The following MIDEAS variants were observed in gnomAD, a reference collection of about 807,000 sequenced individuals.
The protein encoded by MIDEAS is mitotic deacetylase associated SANT domain protein, also known as mitotic deacetylase-associated SANT domain protein.
In MIDEAS, 26 loss-of-function variants were observed where a neutral mutation model predicts 102.7. That is an observed-to-expected ratio of 0.25 (90% confidence interval 0.19 to 0.35). The LOEUF (loss-of-function observed/expected upper bound fraction) is 0.35. Ranked by LOEUF, MIDEAS falls within the 10% of genes least tolerant of loss-of-function variation. The pLI, the probability that MIDEAS is intolerant of heterozygous loss-of-function variation, is 1.00. For missense variants in MIDEAS, 1,231 were observed against 1,435.6 expected (o/e 0.86, Z 2.30); for synonymous variants, 585 against 591.0 (o/e 0.99, Z 0.15).
At chr14:73,756,379 G>A in intron 1 of MIDEAS, among the ~76,000 whole-genome samples, 1 of 152,082 alleles carries the variant, frequency 6.6e-6, no homozygotes, top group East Asian at 1.9e-4. Flanking sequence ...ATGCTGTAAT[G>A]CTTCTGATTC....
intron 1 of MIDEAS, among the ~76,000 whole-genome samples, chr14:73,756,300 G>GCGCA (rs2053482296): frequency 5.7e-5 from 6 of 104,586 alleles, no homozygotes; most frequent in South Asian, 3.8e-4. Flanking sequence ...GTGTGTGCGC[G>GCGCA]CGCGCGTGCG....
In MIDEAS at chr14:73,719,388, A is replaced by C; in HGVS notation, c.3051T>G (p.Pro1017=). 6.2e-7 allele frequency: 1 copy of C among 1,614,006 alleles called. No individual in the cohort carries two copies. Among genetic ancestry groups the C allele is most frequent in the Non-Finnish European group, 8.5e-7 (1 of 1,179,982 alleles). ...CTGTTTTTTTCTTCTTCTCTGAAAA[A>C]GGTAGTGCCCTTCGTGACTTCCCTG... ...EGTGKSRRAL[P]FSEKKKKTET... Residue 1017 remains proline (P), a synonymous_variant, in exon 12 of 13, where the codon CCT becomes CCG. Transcript: ENST00000423556.
chr14:73,769,051 TG>T (rs1342822198), intron 1 of MIDEAS, among the ~76,000 whole-genome samples: 2 of 152,218 alleles, frequency 1.3e-5, no homozygotes, highest in African/African-American at 4.8e-5. Flanking sequence ...GCGTAACTCC[TG>T]GGCCAGATGC....
At position 73,717,655 on chromosome 14, in the gene MIDEAS, T is replaced by G. The variant is rs1301795474; in HGVS notation, c.*1188A>C. ...TAGGGGATGTCAAGATGCCTCGTTT[T>G]GGGATAAATGCACTCGGGCCTCTGA... On this transcript the variant is annotated 3_prime_UTR_variant, in exon 13 of 13. Coordinates refer to ENST00000423556, the MANE Select transcript of MIDEAS (RefSeq NM_001367710.1). The G allele has an allele frequency of 6.6e-6, 1 of 152,630 alleles. No individual in the cohort carries two copies. Among genetic ancestry groups the G allele is most frequent in the Non-Finnish European group, 1.5e-5 (1 of 68,038 alleles). 9.5% of individuals were successfully genotyped at this position (152,630 alleles called of 1,614,324 possible). A position where few individuals can be genotyped will look rare whatever the true frequency, so the allele number is the denominator to read the frequency against.
At chr14:73,756,836 C>G (rs186025408) in intron 1 of MIDEAS, among the ~76,000 whole-genome samples, 1 of 152,312 alleles carries the variant, frequency 6.6e-6, no homozygotes, top group Non-Finnish European at 1.5e-5. Flanking sequence ...GGTTCACCAG[C>G]CCCAGAATCA....
Position 73,739,337 on chromosome 14 carries a change from C to T in MIDEAS, c.672G>A (p.Gln224=). 1.2e-6 allele frequency: 2 copies of T among 1,605,840 alleles called. No individual in the cohort carries two copies. The highest frequency in any genetic ancestry group is 8.5e-7 in the Non-Finnish European group (1 of 1,175,136). The change falls in exon 2 of 13, where the codon CAG becomes CAA. Residue 224 remains glutamine (Q), a synonymous_variant. Coordinates refer to ENST00000423556, the MANE Select transcript of MIDEAS (RefSeq NM_001367710.1). The part of the protein sequence containing the change: ...LQPFQLAFGH[Q]VNRQVFRQGP... ...CCTGCCGGAAGACCTGCCGGTTCAC[C>T]TGGTGGCCGAATGCCAGCTGGAAGG...
At position 73,715,277 on chromosome 14, in the gene MIDEAS, GTCTC is replaced by G. The variant is rs1363271305; in HGVS notation, c.*3562_*3565del. 1.3e-5 allele frequency: 2 copies of G among 152,496 alleles called. No individual in the cohort carries two copies. Among genetic ancestry groups the G allele is most frequent in the Non-Finnish European group, 1.5e-5 (1 of 68,034 alleles). The allele number at this position is 152,496 out of a possible 1,614,324, so 9.4% of individuals were successfully genotyped here. A position where few individuals can be genotyped will look rare whatever the true frequency, so the allele number is the denominator to read the frequency against. ...AAGCACACAAAAAATAAAATCTTCA[GTCTC>G]TATCACAACTGTACAGCAAAAGAGG... On this transcript the variant is annotated 3_prime_UTR_variant, in exon 13 of 13. Coordinates refer to ENST00000423556, the MANE Select transcript of MIDEAS (RefSeq NM_001367710.1).
At chr14:73,781,756 A>AAAC (rs869158663) in intron 1 of MIDEAS, among the ~76,000 whole-genome samples, 1 of 150,638 alleles carries the variant, frequency 6.6e-6, no homozygotes, top group African/African-American at 2.4e-5. Context: ...AAAAAAAAAA[A>AAAC]CTGACTTCAG....
rs1165829621 is a variant in MIDEAS at position 73,759,128 on chromosome 14, G to A, written c.-248+635C>T. 6.6e-6 allele frequency among the ~76,000 whole-genome samples: 1 copy of A among 152,148 alleles called. No homozygotes were observed. Among genetic ancestry groups the A allele is most frequent in the Non-Finnish European group, 1.5e-5 (1 of 68,004 alleles). ...TGAGGTGCGCCCGCCCGCGCGAAGC[G>A]CTCCAGCCTAGGCCTCTGCTGACTG... On this transcript the variant is annotated intron_variant, in intron 1 of 12. Coordinates refer to ENST00000423556, the MANE Select transcript of MIDEAS (RefSeq NM_001367710.1). This position sits in a 1 kb window ranked among gnomAD's most constrained non-coding sequence, Gnocchi z 6.7.
chr14:73,729,758 G>A lies in MIDEAS; in HGVS notation c.1977C>T (p.Ile659=), dbSNP rs2053112750. The part of the protein sequence containing the change: ...FELPPYTPPP[I]LSPVREGSGL... ...CAGAGCCTTCCCGCACAGGGCTGAG[G>A]ATGGGGGGCGGCGTGTAGGGAGGTA... The change falls in exon 4 of 13, where the codon ATC becomes ATT. Residue 659 remains isoleucine, a synonymous_variant. Transcript: ENST00000423556. 6.2e-7 allele frequency: 1 copy of A among 1,614,092 alleles called. No homozygotes were observed. The highest frequency in any genetic ancestry group is 1.1e-5 in the South Asian group (1 of 91,090).
chr14:73,759,312 T>C lies in MIDEAS; in HGVS notation c.-248+451A>G, dbSNP rs1181017005. On this transcript the variant is annotated intron_variant, in intron 1 of 12. Transcript: ENST00000423556. The surrounding 1 kb of genome is among the most constrained non-coding windows in gnomAD (Gnocchi z 6.7). ...AGCCCCTCGCCGCGCCTTCCGGGCCTGGGCTCCGTCACGTCAGCCGGTCCC... is the reference window on the plus strand; with the variant it reads ...AGCCCCTCGCCGCGCCTTCCGGGCCCGGGCTCCGTCACGTCAGCCGGTCCC... Among the ~76,000 whole-genome samples, 3 of 151,940 alleles carry C rather than the reference T, an allele frequency of 2.0e-5. No homozygotes were observed. Among genetic ancestry groups the C allele is most frequent in the Non-Finnish European group, 2.9e-5 (2 of 67,950 alleles).
Position 73,737,087 on chromosome 14 carries a change from G to A in MIDEAS, c.1660C>T (p.Pro554Ser). Residue 554 changes from proline to serine, a missense_variant, in exon 3 of 13, where the codon CCT becomes TCT. Pro to Ser is a moderately conservative substitution (Grantham distance 74, BLOSUM62 -1). This residue lies in a region of MIDEAS where 758 missense variants were observed against 856.0 expected (regional missense o/e 0.89). Transcript: ENST00000423556. ...AGGLDEDGKG[P>S]EQNPAEHKPS... ...TTGTGCTCAGCAGGGTTCTGTTCAG[G>A]ACCCTTCCCGTCCTCATCAAGACCT... 2.5e-6 allele frequency: 4 copies of A among 1,614,174 alleles called. No individual in the cohort carries two copies. Among genetic ancestry groups the A allele is most frequent in the South Asian group, 1.1e-5 (1 of 91,080 alleles).
chr14:73,776,299 T>C (rs1401581013), intron 1 of MIDEAS, among the ~76,000 whole-genome samples: 1 of 151,920 alleles, frequency 6.6e-6, no homozygotes, highest in East Asian at 1.9e-4. Context: ...CAATTACTAA[T>C]GAAACACTCA....
At position 73,740,068 on chromosome 14, in the gene MIDEAS, G is replaced by A; in HGVS notation, c.-60C>T. ...CTTCAACAGTCGCCCATCCCCTGGG[G>A]AAACGTCCTGCTGGAAGCCGGGCTC... On this transcript the variant is annotated 5_prime_UTR_variant, in exon 2 of 13. Transcript: ENST00000423556. 1 of 1,418,736 alleles carries A rather than the reference G, an allele frequency of 7.0e-7. No individual in the cohort carries two copies. The highest frequency in any genetic ancestry group is 1.8e-5 in the South Asian group (1 of 55,600). The allele number at this position is 1,418,736 out of a possible 1,614,324, so 87.9% of individuals were successfully genotyped here. A position where few individuals can be genotyped will look rare whatever the true frequency, so the allele number is the denominator to read the frequency against.
At chr14:73,756,267 A>AGTGTGTGTGTGTGT (rs772519833) in intron 1 of MIDEAS, among the ~76,000 whole-genome samples, 7 of 141,128 alleles carry the variant, frequency 5.0e-5, no homozygotes, top group East Asian at 4.2e-4. Context: ...AGCCCATGTC[A>AGTGTGTGTGTGTGT]GTGTGTGTGT....
rs1431702856 is a variant in MIDEAS at position 73,739,153 on chromosome 14, GGGGTTGCTGCGA to G, written c.844_855del (p.Ser282_Pro285del). On this transcript the variant is annotated inframe_deletion, in exon 2 of 13. Coordinates refer to ENST00000423556, the MANE Select transcript of MIDEAS (RefSeq NM_001367710.1). ...CCAGCTGGCTGCAGGCCAAAGTCCT[GGGGTTGCTGCGA>G]GGGTTGCTGCGGCATGGAATAGAAG... 1.9e-6 allele frequency: 3 copies of G among 1,613,690 alleles called. No homozygotes were observed. The highest frequency in any genetic ancestry group is 2.5e-6 in the Non-Finnish European group (3 of 1,179,852).
At position 73,759,405 on chromosome 14, in the gene MIDEAS, G is replaced by A. The variant is rs1376579326; in HGVS notation, c.-248+358C>T. 6.7e-6 allele frequency among the ~76,000 whole-genome samples: 1 copy of A among 150,366 alleles called. No homozygotes were observed. The highest frequency in any genetic ancestry group is 1.5e-5 in the Non-Finnish European group (1 of 67,386). On this transcript the variant is annotated intron_variant, in intron 1 of 12. Transcript: ENST00000423556. The surrounding 1 kb of genome is among the most constrained non-coding windows in gnomAD (Gnocchi z 6.7). Reference sequence around the variant, plus strand: ...ATTCCCGAGCCGCCGCGGGCCGCCGGGTGGGGAGGGCTTTCCTGGCGGGGC... The same window carrying A: ...ATTCCCGAGCCGCCGCGGGCCGCCGAGTGGGGAGGGCTTTCCTGGCGGGGC...
chr14:73,779,625 C>T (rs1394636963), intron 1 of MIDEAS, among the ~76,000 whole-genome samples: 18 of 133,788 alleles, frequency 1.3e-4, no homozygotes, highest in Middle Eastern at 8.9e-3. Context: ...GGCTGGACTG[C>T]GGACTGCAGT....
At chr14:73,760,865 C>A (rs2053548469), upstream of MIDEAS, among the ~76,000 whole-genome samples, 1 of 152,188 alleles carries the variant, frequency 6.6e-6, no homozygotes. This position sits in a 1 kb window ranked among gnomAD's most constrained non-coding sequence, Gnocchi z 4.8. Context: ...GCTTTTCACT[C>A]CATACTCACA....
Sources: gnomAD v4.1 joint callset for allele counts (sites outside exome capture counted in the v4.1 genomes callset) on GRCh38, gnomAD v4.1.1 for gene constraint, gnomAD v4.1.1 regional missense constraint, Gnocchi (gnomAD v3.1) non-coding constraint, MANE v1.5 for transcripts, NCBI Gene and HGNC (gene_info 2026-07-23, HGNC 2026-07-21) for gene names.